The following DNAJB11 variants were observed in gnomAD, a reference collection of about 807,000 sequenced individuals.
The protein encoded by DNAJB11 is DnaJ heat shock protein family (Hsp40) member B11, also known as dnaJ homolog subfamily B member 11.
Under a neutral mutation model 47.2 loss-of-function variants are expected in DNAJB11, and 30 were observed. The ratio of observed to expected loss-of-function variants is 0.64; its 90% confidence interval spans 0.48 to 0.86. DNAJB11 has a LOEUF of 0.86. Ranked by LOEUF, DNAJB11 falls within the 40% of genes least tolerant of loss-of-function variation. The pLI, the probability that DNAJB11 is intolerant of heterozygous loss-of-function variation, is 0.00. For missense variants in DNAJB11, 357 were observed against 440.2 expected, an observed-to-expected ratio of 0.81 and a Z score of 1.69; for synonymous variants, 151 against 159.9, an observed-to-expected ratio of 0.94 and a Z score of 0.42.
intron 1 of DNAJB11, among the ~76,000 whole-genome samples, chr3:186,571,448 G>A (rs148363713): frequency 6.6e-6 from 1 of 152,294 alleles, no homozygotes; most frequent in East Asian, 1.9e-4. Context: ...CCAAGCCTTC[G>A]AAGAGCCATT....
intron 1 of DNAJB11, 139 bp downstream of exon 1, chr3:186,571,104 AG>A: frequency 1.3e-6 from 1 of 771,786 alleles, no homozygotes; most frequent in Non-Finnish European, 2.1e-6. Context: ...TGGCGGAGGA[AG>A]GGGTAGTATG....
chr3:186,580,645 T>C (rs1387515980), intron 4 of DNAJB11: 1 of 152,252 alleles, frequency 6.6e-6, no homozygotes, highest in Non-Finnish European at 1.5e-5. Flanking sequence ...GACCTGGGCC[T>C]TTCATATGTT....
chr3:186,572,378 A>G (rs1043760019), intron 2 of DNAJB11, 127 bp downstream of exon 2: 24 of 981,694 alleles, frequency 2.4e-5, no homozygotes, highest in African/African-American at 6.6e-5. Flanking sequence ...CTGAGTCTCT[A>G]TTGCCTAGGC....
chr3:186,583,809 C>T, intron 7 of DNAJB11, 56 bp from the exon 8 acceptor site: 1 of 1,326,884 alleles, frequency 7.5e-7, no homozygotes, highest in African/African-American at 1.5e-5. Flanking sequence ...AATTTTCTAA[C>T]AACTGTTTGA....
intron 1 of DNAJB11, among the ~76,000 whole-genome samples, chr3:186,571,718 G>T (rs536504539): frequency 1.1e-4 from 16 of 152,280 alleles, no homozygotes; most frequent in African/African-American, 3.9e-4. Context: ...AAAATCATTT[G>T]GAGCCAGTAT....
chr3:186,571,491 C>T (rs1715052458), intron 1 of DNAJB11, among the ~76,000 whole-genome samples: 1 of 152,142 alleles, frequency 6.6e-6, no homozygotes, highest in Non-Finnish European at 1.5e-5. Context: ...TGGATGATGC[C>T]AGCCCGAGTT....
chr3:186,571,005 C>A, intron 1 of DNAJB11, 40 bp downstream of exon 1: 2 of 1,307,586 alleles, frequency 1.5e-6, no homozygotes, highest in Non-Finnish European at 2.1e-6. Flanking sequence ...GCCTGTGGGT[C>A]AGCCTTTGCT....
chr3:186,581,334 A>G (rs1715476853), intron 4 of DNAJB11, 37 bp from the exon 5 acceptor site: 1 of 1,609,764 alleles, frequency 6.2e-7, no homozygotes. Flanking sequence ...GCTGTTTTAC[A>G]CAAGAGAGAA....
intron 3 of DNAJB11, among the ~76,000 whole-genome samples, chr3:186,577,402 A>G: frequency 6.6e-6 from 1 of 152,188 alleles, no homozygotes; most frequent in Non-Finnish European, 1.5e-5. Flanking sequence ...CTGTGTGTGT[A>G]TGTACTGTAC....
rs115211156 is a variant in DNAJB11 at position 186,575,791 on chromosome 3, T to C, written c.226-49T>C. The C allele has an allele frequency of 4.1e-3, 5,888 of 1,435,702 alleles. 174 individuals are homozygous for C. The African/African-American group carries it at 0.07, about 17-fold the overall frequency. The allele number at this position is 1,435,702 out of a possible 1,614,324, so 88.9% of individuals were successfully genotyped here. On this transcript the variant is annotated intron_variant, in intron 2 of 9. Transcript: ENST00000265028. ...AACATAAATATGACTGTGCCTTAAC[T>C]GGATATTACCAACTCATGATCTTTT...
At chr3:186,572,455 C>T (rs1715115281) in intron 2 of DNAJB11, among the ~76,000 whole-genome samples, 1 of 152,186 alleles carries the variant, frequency 6.6e-6, no homozygotes, top group Non-Finnish European at 1.5e-5. Flanking sequence ...AGTTCTCCCG[C>T]CTCAGCCTCC....
At chr3:186,571,022 T>TTTTGGGGGGGGGGG in intron 1 of DNAJB11, 57 bp downstream of exon 1, 1 of 208,294 alleles carries the variant, frequency 4.8e-6, no homozygotes, top group Non-Finnish European at 9.4e-6. Context: ...TGCTGGGGGG[T>TTTTGGGGGGGGGGG]GGGAGGGGGT....
Position 186,581,415 on chromosome 3 carries a change from G to A in DNAJB11, c.501G>A (p.Arg167=), listed in dbSNP as rs2108483804. 2.5e-6 allele frequency: 4 copies of A among 1,614,014 alleles called. No individual in the cohort carries two copies. The highest frequency in any genetic ancestry group is 1.3e-5 in the African/African-American group (1 of 74,978). Residue 167 remains arginine (R), a synonymous_variant, in exon 5 of 10, where the codon CGG becomes CGA. Coordinates refer to ENST00000265028, the MANE Select transcript of DNAJB11 (RefSeq NM_016306.6). ...TGGCAAGGCAGGCTCCTGGCAAACGGAAGTGCAATTGTCGGCAAGAGATGC... is the reference window on the plus strand; with the variant it reads ...TGGCAAGGCAGGCTCCTGGCAAACGAAAGTGCAATTGTCGGCAAGAGATGC... ...KPVARQAPGK[R]KCNCRQEMRT...
At chr3:186,583,596 C>G (rs1160745972) in intron 7 of DNAJB11, among the ~76,000 whole-genome samples, 1 of 152,216 alleles carries the variant, frequency 6.6e-6, no homozygotes. Flanking sequence ...TGAAGATGAT[C>G]TCCCCAGAAG....
Position 186,582,063 on chromosome 3 carries a change from C to A in DNAJB11, c.668C>A (p.Pro223His), listed in dbSNP as rs1415198499. The A allele has an allele frequency of 6.2e-7, 1 of 1,613,174 alleles. No homozygotes were observed. Among genetic ancestry groups the A allele is most frequent in the African/African-American group, 1.3e-5 (1 of 74,986 alleles). The change falls in exon 6 of 10, where the codon CCC becomes CAC. Residue 223 changes from proline (P) to histidine (H), a missense_variant. Transcript: ENST00000265028. ...GGGGTGAGAGACGGCATGGAGTACC[C>A]CTTTATTGGAGAAGGTGAAATATTG... ...EPGVRDGMEYPFIGEGEPHVD... is the reference protein window; with the variant it reads ...EPGVRDGMEYHFIGEGEPHVD...
chr3:186,584,690 A>G (rs1715621972), intron 9 of DNAJB11, 101 bp downstream of exon 9: 1 of 1,199,156 alleles, frequency 8.3e-7, no homozygotes, highest in African/African-American at 1.7e-5. Context: ...CTCCAGTGAC[A>G]TGAGACATCA....
rs1005428561 is a variant in DNAJB11, at chr3:186,570,903, T to C, written c.6T>C (p.Ala2=). 3 of 1,605,198 alleles carry C rather than the reference T, an allele frequency of 1.9e-6. No individual in the cohort carries two copies. Among genetic ancestry groups the C allele is most frequent in the Non-Finnish European group, 2.6e-6 (3 of 1,175,822 alleles). M[A]PQNLSTFCLL... ...GGACCCGGGACAGAGGAACCATGGC[T>C]CCGCAGAACCTGAGCACCTTTTGCC... is the stretch of plus-strand genomic sequence containing the variant. The change falls in exon 1 of 10, where the codon GCT becomes GCC. Residue 2 remains alanine (A), a synonymous_variant. Coordinates refer to ENST00000265028, the MANE Select transcript of DNAJB11 (RefSeq NM_016306.6).
At chr3:186,576,929 C>T (rs1458357762) in intron 3 of DNAJB11, among the ~76,000 whole-genome samples, 1 of 152,106 alleles carries the variant, frequency 6.6e-6, no homozygotes, top group Non-Finnish European at 1.5e-5. Context: ...ATATAGTTAT[C>T]ATCTTCGCTA....
intron 2 of DNAJB11, among the ~76,000 whole-genome samples, chr3:186,575,459 A>G (rs1440670667): frequency 6.6e-6 from 1 of 152,048 alleles, no homozygotes. Flanking sequence ...TGAAGGCAGT[A>G]TAGTGGTTAA....
Sources: allele counts gnomAD v4.1 joint callset (sites outside exome capture counted in the v4.1 genomes callset), GRCh38; gene constraint gnomAD v4.1.1; transcripts MANE v1.5; gene names NCBI Gene and HGNC (gene_info 2026-07-23, HGNC 2026-07-21).